Variants in TM9SF2 observed in about 807,000 individuals in gnomAD.
The protein encoded by TM9SF2 is 76 kDa membrane protein.
In TM9SF2, 13 loss-of-function variants were observed where a neutral mutation model predicts 84.9. That is an observed-to-expected ratio of 0.15 (90% CI 0.10 to 0.24). The LOEUF is 0.24. TM9SF2 is among the 10% of genes least tolerant of loss of function. TM9SF2 has a pLI of 1.00. For synonymous variants in TM9SF2, 273 were observed against 285.8 expected (o/e 0.96, Z 0.45); for missense variants, 562 against 818.5 (o/e 0.69, Z 3.82).
chr13:99,537,968 T>C, intron 6 of TM9SF2, 105 bp downstream of exon 6: 1 of 1,400,172 alleles, frequency 7.1e-7, no homozygotes, highest in Non-Finnish European at 9.4e-7. Flanking sequence ...CATTTCAGGA[T>C]TGATTTCACT....
chr13:99,507,378 T>G (rs553996561), intron 1 of TM9SF2, among the ~76,000 whole-genome samples: 6 of 152,368 alleles, frequency 3.9e-5, no homozygotes, highest in Non-Finnish European at 5.9e-5. Context: ...TTTATTTTAT[T>G]TTTTAGAAAC....
intron 4 of TM9SF2, among the ~76,000 whole-genome samples, chr13:99,532,286 G>A (rs1336604972): frequency 1.3e-5 from 2 of 151,642 alleles, no homozygotes; most frequent in Non-Finnish European, 2.9e-5. Context: ...TCCTGACCTC[G>A]TGATCCGCCC....
intron 4 of TM9SF2, among the ~76,000 whole-genome samples, 199 bp from the exon 5 acceptor site, chr13:99,536,409 C>T (rs1294692898): frequency 2.6e-5 from 4 of 151,740 alleles, no homozygotes; most frequent in Non-Finnish European, 5.9e-5. Flanking sequence ...TAGTTTTTTC[C>T]ATCACTGCAG....
chr13:99,551,043 G>A (rs1285997637), intron 12 of TM9SF2, among the ~76,000 whole-genome samples: 1 of 152,146 alleles, frequency 6.6e-6, no homozygotes, highest in Non-Finnish European at 1.5e-5. Context: ...TGGCAAAATG[G>A]CTAGGTATCA....
chr13:99,546,460 T>G (rs1018109584), intron 10 of TM9SF2, among the ~76,000 whole-genome samples: 2 of 152,206 alleles, frequency 1.3e-5, no homozygotes, highest in Non-Finnish European at 2.9e-5. Flanking sequence ...GACAAGGTCC[T>G]TCCGTAATTT....
chr13:99,515,145 T>C (rs1440090509), intron 1 of TM9SF2, among the ~76,000 whole-genome samples: 1 of 152,188 alleles, frequency 6.6e-6, no homozygotes, highest in African/African-American at 2.4e-5. Context: ...GCTGTACAGA[T>C]TTTGAAAAAC....
chr13:99,542,315 A>G (rs936542203), intron 9 of TM9SF2, among the ~76,000 whole-genome samples: 2 of 152,212 alleles, frequency 1.3e-5, no homozygotes, highest in East Asian at 1.9e-4. Context: ...TGAAACCACA[A>G]AGTTGAATGG....
chr13:99,523,902 TA>T (rs2046170846), intron 3 of TM9SF2, among the ~76,000 whole-genome samples: 1 of 152,276 alleles, frequency 6.6e-6, no homozygotes, highest in East Asian at 1.9e-4. Flanking sequence ...TTTAAAATCT[TA>T]AAAAAGCCTT....
At chr13:99,505,531 T>A (rs1348171530) in intron 1 of TM9SF2, among the ~76,000 whole-genome samples, 1 of 152,232 alleles carries the variant, frequency 6.6e-6, no homozygotes, top group Non-Finnish European at 1.5e-5. Flanking sequence ...TTATTTGCCT[T>A]ATTTTGTTAC....
At chr13:99,560,531 CCT>C (rs1788003177) in intron 16 of TM9SF2, among the ~76,000 whole-genome samples, 1 of 152,052 alleles carries the variant, frequency 6.6e-6, no homozygotes, top group Non-Finnish European at 1.5e-5. Flanking sequence ...GTTTTTGTGC[CCT>C]GTGTGTCCAT....
chr13:99,514,444 C>G (rs1460526061), intron 1 of TM9SF2: 2 of 152,256 alleles, frequency 1.3e-5, no homozygotes, highest in Non-Finnish European at 2.9e-5. Context: ...GTATTTAGTA[C>G]AATCCCATGT....
chr13:99,530,860 G>T (rs950636974), intron 4 of TM9SF2, among the ~76,000 whole-genome samples: 1 of 148,950 alleles, frequency 6.7e-6, no homozygotes, highest in African/African-American at 2.5e-5. Flanking sequence ...TTCAAACATA[G>T]AATTTTTTTT....
chr13:99,556,580 T>TTTA (rs1184332246), intron 15 of TM9SF2, among the ~76,000 whole-genome samples: 23 of 151,460 alleles, frequency 1.5e-4, no homozygotes, highest in Non-Finnish European at 3.1e-4. Context: ...ATTCCTTTTT[T>TTTA]TTTTTTTTTC....
chr13:99,549,339 T>C lies in TM9SF2; in HGVS notation c.1328+117T>C, dbSNP rs1445692193. 153 of 756,600 alleles carry C rather than the reference T, an allele frequency of 2.0e-4. 2 individuals are homozygous for C. Among genetic ancestry groups the C allele is most frequent in the Non-Finnish European group, 9.4e-5 (44 of 466,248 alleles). The allele number at this position is 756,600 out of a possible 1,614,324, so 46.9% of individuals were successfully genotyped here. ...TAAATCATGTACCTAAGAAAGTAAA[T>C]TTAATTTTTGAAAAGGGGTAAAATA... On this transcript the variant is annotated intron_variant, in intron 12 of 16. Transcript: ENST00000376387.
chr13:99,549,448 C>T (rs996039436), intron 12 of TM9SF2, among the ~76,000 whole-genome samples: 1 of 151,992 alleles, frequency 6.6e-6, no homozygotes, highest in Admixed American at 6.6e-5. Flanking sequence ...GTTTTAATTC[C>T]TTCTCTTCAA....
At chr13:99,503,725 A>G (rs2046076837) in intron 1 of TM9SF2, among the ~76,000 whole-genome samples, 1 of 151,468 alleles carries the variant, frequency 6.6e-6, no homozygotes, top group Admixed American at 6.6e-5. Flanking sequence ...AAAAAAAAAA[A>G]AAAAAAAGAA....
chr13:99,533,498 T>C (rs2139091603), intron 4 of TM9SF2, among the ~76,000 whole-genome samples: 1 of 152,348 alleles, frequency 6.6e-6, no homozygotes, highest in South Asian at 2.1e-4. Context: ...ATTGTAAATC[T>C]ATAACCTCCT....
intron 4 of TM9SF2, among the ~76,000 whole-genome samples, chr13:99,532,577 C>T (rs2046215886): frequency 6.6e-6 from 1 of 152,038 alleles, no homozygotes; most frequent in South Asian, 2.1e-4. Context: ...GTAATCCCAG[C>T]TACTCGGGAG....
rs753391661 is a variant in TM9SF2 at position 99,537,796 on chromosome 13, T to C, written c.649T>C (p.Tyr217His). ...CTTCAACCATGTTGACATCAAAATA[T>C]ACTATCATGTTGTTGAAACTGGGTC... ...YIFNHVDIKI[Y>H]YHVVETGSMG... The change falls in exon 6 of 17, where the codon TAC (tyrosine) becomes CAC (histidine). Residue 217 changes from tyrosine (Y) to histidine (H), a missense_variant. Physicochemically the swap from Tyr to His is moderately conservative, Grantham distance 83 (BLOSUM62 2). Coordinates refer to ENST00000376387, the MANE Select transcript of TM9SF2 (RefSeq NM_004800.3). 3.1e-6 allele frequency: 5 copies of C among 1,611,594 alleles called. No homozygotes were observed. Among genetic ancestry groups the C allele is most frequent in the Non-Finnish European group, 3.4e-6 (4 of 1,179,552 alleles).
Sources: gnomAD v4.1 joint callset for allele counts (sites outside exome capture counted in the v4.1 genomes callset) on GRCh38, gnomAD v4.1.1 for gene constraint, MANE v1.5 for transcripts, NCBI Gene and HGNC (gene_info 2026-07-23, HGNC 2026-07-21) for gene names.